The following EML4 variants were observed in gnomAD, a reference collection of about 807,000 sequenced individuals.
The protein encoded by EML4 is echinoderm microtubule-associated protein-like 4.
In EML4, 72 loss-of-function variants were observed where a neutral mutation model predicts 129.0. That is an observed-to-expected ratio of 0.56 (90% CI 0.46 to 0.68). The LOEUF (loss-of-function observed/expected upper bound fraction) is 0.68. Ranked by LOEUF, EML4 falls within the 30% of genes least tolerant of loss-of-function variation. The probability of loss-of-function intolerance (pLI) is 0.00; values close to 1 mark genes in which losing one functional copy is unlikely to be tolerated. For synonymous variants in EML4, 532 were observed against 405.0 expected (o/e 1.31, Z -3.77); for missense variants, 1,363 against 1,190.6 (o/e 1.14, Z -2.13).
intron 19 of EML4, among the ~76,000 whole-genome samples, chr2:42,318,542 TAATG>T (rs1204954183): frequency 6.6e-6 from 1 of 152,188 alleles, no homozygotes; most frequent in African/African-American, 2.4e-5. Context: ...GCCTTGACAA[TAATG>T]AATCATTATC....
rs1666973603 is a variant in EML4 at position 42,280,985 on chromosome 2, T to C, written c.791+12T>C. 6.4e-7 allele frequency: 1 copy of C among 1,560,178 alleles called. No homozygotes were observed. Among genetic ancestry groups the C allele is most frequent in the Non-Finnish European group, 8.7e-7 (1 of 1,155,906 alleles). Reference sequence around the variant, plus strand: ...AAACTGGAGTGGGCGTATCCTTCTCTACCATGACAGCAAATTCATTTGCTT... The same window carrying C: ...AAACTGGAGTGGGCGTATCCTTCTCCACCATGACAGCAAATTCATTTGCTT... On this transcript the variant is annotated intron_variant, in intron 7 of 22. Coordinates refer to ENST00000318522, the MANE Select transcript of EML4 (RefSeq NM_019063.5).
intron 2 of EML4, among the ~76,000 whole-genome samples, chr2:42,251,751 A>G (rs541145875): frequency 1.2e-4 from 18 of 152,368 alleles, no homozygotes; most frequent in African/African-American, 3.6e-4. Flanking sequence ...CAACTAGACT[A>G]TCTCTACCCT....
At chr2:42,307,431 C>T (rs1227019417) in intron 17 of EML4, among the ~76,000 whole-genome samples, 2 of 152,138 alleles carry the variant, frequency 1.3e-5, no homozygotes, top group Admixed American at 1.3e-4. Flanking sequence ...ATGTAGTTGT[C>T]AGTGTTCATT....
At chr2:42,288,498 A>T in intron 11 of EML4, 176 bp downstream of exon 11, 1 of 371,732 alleles carries the variant, frequency 2.7e-6, no homozygotes. Flanking sequence ...CACTATAGTT[A>T]TACAAGATAA....
chr2:42,222,695 A>G (rs1673683006), intron 1 of EML4, among the ~76,000 whole-genome samples: 1 of 152,182 alleles, frequency 6.6e-6, no homozygotes, highest in Non-Finnish European at 1.5e-5. Flanking sequence ...AATATGCATT[A>G]TCTTTTGCTT....
At chr2:42,317,146 AC>A (rs1035234472) in intron 18 of EML4, among the ~76,000 whole-genome samples, 1 of 152,090 alleles carries the variant, frequency 6.6e-6, no homozygotes, top group African/African-American at 2.4e-5. Context: ...TAAACACTGT[AC>A]CCTTCCACCC....
intron 9 of EML4, among the ~76,000 whole-genome samples, chr2:42,285,057 T>C (rs1376388180): frequency 7.5e-6 from 1 of 134,018 alleles, no homozygotes; most frequent in Admixed American, 7.2e-5. Flanking sequence ...TGTTGATTCT[T>C]ATTTACTTTC....
intron 1 of EML4, among the ~76,000 whole-genome samples, chr2:42,184,064 C>G (rs574658953): frequency 6.6e-6 from 1 of 152,250 alleles, no homozygotes; most frequent in African/African-American, 2.4e-5. Context: ...TTAGTAGTAG[C>G]ACCTATAAGA....
At chr2:42,191,846 G>A (rs1175893492) in intron 1 of EML4, among the ~76,000 whole-genome samples, 1 of 151,728 alleles carries the variant, frequency 6.6e-6, no homozygotes, top group South Asian at 2.1e-4. Context: ...GATCACCTGA[G>A]GTCAATAAGA....
chr2:42,285,187 C>T (rs886492126), intron 9 of EML4, among the ~76,000 whole-genome samples: 3 of 152,130 alleles, frequency 2.0e-5, no homozygotes, highest in Non-Finnish European at 2.9e-5. Context: ...AGCTGGACTA[C>T]AGGTGTGTGC....
intron 1 of EML4, among the ~76,000 whole-genome samples, chr2:42,179,582 C>T (rs1459385069): frequency 1.3e-5 from 2 of 152,034 alleles, no homozygotes; most frequent in Admixed American, 6.6e-5. Context: ...GTTTAGGAAA[C>T]AAAGGTAATA....
intron 4 of EML4, among the ~76,000 whole-genome samples, chr2:42,261,704 A>G (rs1479310650): frequency 6.6e-6 from 1 of 152,104 alleles, no homozygotes; most frequent in East Asian, 1.9e-4. Context: ...ACAACCTTCA[A>G]CCTGCAAGGG....
chr2:42,206,485 G>T (rs570756852), intron 1 of EML4, among the ~76,000 whole-genome samples: 1 of 152,270 alleles, frequency 6.6e-6, no homozygotes, highest in African/African-American at 2.4e-5. Flanking sequence ...AAAGTGTTGG[G>T]ATTATAGACG....
chr2:42,191,413 A>G (rs1247167622), intron 1 of EML4, among the ~76,000 whole-genome samples: 1 of 152,148 alleles, frequency 6.6e-6, no homozygotes, highest in African/African-American at 2.4e-5. Flanking sequence ...TAGTTTGAGA[A>G]ATTCTAAGGC....
Position 42,245,662 on chromosome 2 carries a change from A to T in EML4, c.183A>T (p.Ser61=). 1 of 1,610,646 alleles carries T rather than the reference A, an allele frequency of 6.2e-7. No homozygotes were observed. Among genetic ancestry groups the T allele is most frequent in the Non-Finnish European group, 8.5e-7 (1 of 1,178,320 alleles). The change falls in exon 2 of 23, where the codon TCA becomes TCT. Residue 61 remains serine, a synonymous_variant. Transcript: ENST00000318522. The part of the protein sequence containing the change: ...RLAISEDHVA[S]VKKSVSSKGQ... ...CAATCTCTGAAGATCATGTGGCCTC[A>T]GTGAAAAAATCAGTCTCAAGTAAAG...
intron 1 of EML4, among the ~76,000 whole-genome samples, chr2:42,241,884 A>C (rs1181354830): frequency 1.4e-5 from 2 of 142,820 alleles, no homozygotes; most frequent in Non-Finnish European, 3.0e-5. Context: ...CGGGGGGGGG[A>C]AGCTGAGGTA....
intron 1 of EML4, among the ~76,000 whole-genome samples, chr2:42,179,323 A>G (rs139597760): frequency 2.0e-5 from 3 of 151,862 alleles, no homozygotes; most frequent in Admixed American, 6.6e-5. Flanking sequence ...CAGACTAAAG[A>G]AGACTTAAGA....
At chr2:42,208,011 A>G (rs1170157706) in intron 1 of EML4, 2 of 152,216 alleles carry the variant, frequency 1.3e-5, no homozygotes, top group African/African-American at 4.8e-5. Context: ...TGAAAGTCGG[A>G]CATCAGTATG....
intron 1 of EML4, among the ~76,000 whole-genome samples, chr2:42,197,255 G>A (rs941084961): frequency 6.6e-6 from 1 of 151,984 alleles, no homozygotes; most frequent in African/African-American, 2.4e-5. Context: ...GTAGAGATGG[G>A]GTTTTGCCAT....
Sources: allele counts gnomAD v4.1 joint callset (sites outside exome capture counted in the v4.1 genomes callset), GRCh38; gene constraint gnomAD v4.1.1; transcripts MANE v1.5; gene names NCBI Gene and HGNC (gene_info 2026-07-23, HGNC 2026-07-21).